Variants in KCNJ6 observed in about 807,000 individuals in gnomAD.
KCNJ6 encodes G protein-activated inward rectifier potassium channel 2.
Under a neutral mutation model 34.2 loss-of-function variants are expected in KCNJ6, and 9 were observed. The observed-to-expected ratio is 0.26, with a 90% confidence interval of 0.16 to 0.46. KCNJ6 has a LOEUF of 0.46. Among genes scored for constraint, KCNJ6 ranks in the 20% least tolerant of loss-of-function variants. The probability of loss-of-function intolerance (pLI) is 1.00; values close to 1 mark genes in which losing one functional copy is unlikely to be tolerated. For missense variants in KCNJ6, 236 were observed against 531.3 expected (o/e 0.44, Z 5.46); for synonymous variants, 196 against 207.1 (o/e 0.95, Z 0.46).
At chr21:37,660,594 T>C (rs2054483729) in intron 3 of KCNJ6, among the ~76,000 whole-genome samples, 1 of 152,174 alleles carries the variant, frequency 6.6e-6, no homozygotes, top group Non-Finnish European at 1.5e-5. Flanking sequence ...TTGTAGACGA[T>C]GGTAGCTCAT....
At chr21:37,771,267 T>C (rs960031899) in intron 2 of KCNJ6, among the ~76,000 whole-genome samples, 2 of 152,168 alleles carry the variant, frequency 1.3e-5, no homozygotes, top group African/African-American at 4.8e-5. Flanking sequence ...CCATAATCAG[T>C]TGACTTTGAG....
chr21:37,672,524 A>AT (rs1195032671), intron 3 of KCNJ6, among the ~76,000 whole-genome samples: 5 of 150,870 alleles, frequency 3.3e-5, no homozygotes, highest in Admixed American at 6.6e-5. Context: ...GACATCCTCA[A>AT]TTTTTTTTTC....
intron 1 of KCNJ6, among the ~76,000 whole-genome samples, chr21:37,853,422 T>C (rs1488128548): frequency 6.6e-6 from 1 of 152,090 alleles, no homozygotes; most frequent in Non-Finnish European, 1.5e-5. Context: ...CAGAATTTTA[T>C]AGCAGCAAAA....
rs1422296512 is a variant in KCNJ6 at position 37,845,995 on chromosome 21, A to G, written c.-27-5286T>C. Among the ~76,000 whole-genome samples, 4 of 152,176 alleles carry G rather than the reference A, an allele frequency of 2.6e-5. No individual in the cohort carries two copies. In the East Asian group the frequency reaches 7.7e-4, roughly 29 times the overall value. On this transcript the variant is annotated intron_variant, in intron 1 of 3. Transcript: ENST00000609713. ...AAACGTTTGGGGTAATCATGATGAT[A>G]TATTTGAGTAAAACATGTTCACAGA...
At chr21:37,650,413 G>A (rs2054427722) in intron 3 of KCNJ6, among the ~76,000 whole-genome samples, 1 of 152,202 alleles carries the variant, frequency 6.6e-6, no homozygotes, top group South Asian at 2.1e-4. Flanking sequence ...CCTCCAGGTT[G>A]TTGTCAGGTG....
chr21:37,718,637 C>T (rs898217052), intron 2 of KCNJ6, among the ~76,000 whole-genome samples: 19 of 147,354 alleles, frequency 1.3e-4, no homozygotes, highest in Middle Eastern at 3.5e-3. Flanking sequence ...GGATGCAGGG[C>T]GGGGAACATC....
intron 3 of KCNJ6, among the ~76,000 whole-genome samples, chr21:37,640,375 A>C (rs1203301958): frequency 6.6e-6 from 1 of 152,220 alleles, no homozygotes; most frequent in East Asian, 1.9e-4. Flanking sequence ...CATGGGGAAA[A>C]CAATGACCAG....
At chr21:37,873,676 A>T (rs979412328) in intron 1 of KCNJ6, among the ~76,000 whole-genome samples, 2 of 151,976 alleles carry the variant, frequency 1.3e-5, no homozygotes, top group Non-Finnish European at 2.9e-5. Flanking sequence ...CAAATTATTG[A>T]CTTTCTCACT....
chr21:37,844,571 G>A (rs777417839), intron 1 of KCNJ6, among the ~76,000 whole-genome samples: 16 of 152,050 alleles, frequency 1.1e-4, no homozygotes, highest in Non-Finnish European at 2.2e-4. Context: ...TTGAGCCAGG[G>A]CCCCTGGACC....
rs1361687333 is a variant in KCNJ6 at position 37,624,428 on chromosome 21, C to T, written c.*731G>A. On this transcript the variant is annotated 3_prime_UTR_variant, in exon 4 of 4. Transcript: ENST00000609713. ...ATCAAAATAACCTGGAAAACACAGA[C>T]ATCAAAACAGAAATGCCTACTGCAT... The T allele has an allele frequency of 6.6e-6, 1 of 152,034 alleles. No homozygotes were observed. Among genetic ancestry groups the T allele is most frequent in the Non-Finnish European group, 1.5e-5 (1 of 67,998 alleles). The allele number at this position is 152,034 out of a possible 1,614,324, so 9.4% of individuals were successfully genotyped here.
At chr21:37,738,770 C>G (rs2054925681) in intron 2 of KCNJ6, among the ~76,000 whole-genome samples, 1 of 152,086 alleles carries the variant, frequency 6.6e-6, no homozygotes, top group Non-Finnish European at 1.5e-5. Context: ...TTTAATGGGC[C>G]CTGCATTGAC....
chr21:37,732,982 C>G (rs1347117333), intron 2 of KCNJ6, among the ~76,000 whole-genome samples: 1 of 152,188 alleles, frequency 6.6e-6, no homozygotes, highest in Non-Finnish European at 1.5e-5. Flanking sequence ...ATTTTCCCTG[C>G]TCTAACAAGG....
chr21:37,707,846 G>A (rs1337597694), intron 3 of KCNJ6, among the ~76,000 whole-genome samples: 1 of 150,986 alleles, frequency 6.6e-6, no homozygotes, highest in Non-Finnish European at 1.5e-5. Flanking sequence ...GAATGCCCTA[G>A]GAAATAATAA....
chr21:37,651,136 C>A (rs1309997036), intron 3 of KCNJ6, among the ~76,000 whole-genome samples: 4 of 152,126 alleles, frequency 2.6e-5, no homozygotes, highest in African/African-American at 9.7e-5. Context: ...CATTTAAGGG[C>A]AGGAGCTTGG....
intron 3 of KCNJ6, among the ~76,000 whole-genome samples, chr21:37,707,610 G>C (rs761132666): frequency 2.6e-5 from 4 of 151,504 alleles, no homozygotes; most frequent in African/African-American, 4.9e-5. Flanking sequence ...AGCTTACTAA[G>C]TAATTAATAT....
chr21:37,826,064 C>T (rs554988490), intron 2 of KCNJ6, among the ~76,000 whole-genome samples: 1 of 152,216 alleles, frequency 6.6e-6, no homozygotes, highest in South Asian at 2.1e-4. Context: ...GCACTGTGAC[C>T]CCTTTCTCTC....
chr21:37,832,863 T>C (rs1450776316), intron 2 of KCNJ6, among the ~76,000 whole-genome samples: 1 of 152,172 alleles, frequency 6.6e-6, no homozygotes, highest in Non-Finnish European at 1.5e-5. Context: ...CCATACCTCC[T>C]GCATGGCTCA....
intron 1 of KCNJ6, among the ~76,000 whole-genome samples, chr21:37,885,608 A>G (rs751426919): frequency 2.6e-5 from 4 of 152,228 alleles, no homozygotes; most frequent in Admixed American, 6.5e-5. Flanking sequence ...ACACGTGGTG[A>G]GGCACTGAGA....
At chr21:37,828,897 C>T (rs898668286) in intron 2 of KCNJ6, among the ~76,000 whole-genome samples, 1 of 152,202 alleles carries the variant, frequency 6.6e-6, no homozygotes, top group African/African-American at 2.4e-5. Context: ...TTTCTCTTGG[C>T]CACACATCTG....
Sources: gnomAD v4.1 joint callset for allele counts (sites outside exome capture counted in the v4.1 genomes callset) on GRCh38, gnomAD v4.1.1 for gene constraint, MANE v1.5 for transcripts, NCBI Gene and HGNC (gene_info 2026-07-23, HGNC 2026-07-21) for gene names.